Variants in NFIB observed in about 807,000 individuals in gnomAD.
NFIB encodes the protein nuclear factor I B, also known as nuclear factor 1 B-type.
NFIB carries 11 observed loss-of-function variants against 61.5 expected under a neutral mutation model. The ratio of observed to expected loss-of-function variants is 0.18; its 90% CI spans 0.11 to 0.30. NFIB has a LOEUF of 0.30. NFIB is among the 10% of genes least tolerant of loss of function. NFIB has a pLI of 1.00. For synonymous variants in NFIB, 260 were observed against 216.5 expected, an observed-to-expected ratio of 1.20 and a Z score of -1.76; for missense variants, 471 against 608.9, an observed-to-expected ratio of 0.77 and a Z score of 2.38.
At chr9:14,342,263 T>C (rs184176189) in intron 1 of NFIB, among the ~76,000 whole-genome samples, 4 of 152,290 alleles carry the variant, frequency 2.6e-5, no homozygotes, top group Admixed American at 2.6e-4. Context: ...TCAGGCAGCA[T>C]TTGGCTTAGA....
chr9:14,325,295 C>G (rs2060740015), intron 1 of NFIB, among the ~76,000 whole-genome samples: 1 of 152,036 alleles, frequency 6.6e-6, no homozygotes, highest in Non-Finnish European at 1.5e-5. Flanking sequence ...TTTTTTCTGC[C>G]TTAAGTTGCA....
chr9:14,463,452 C>T, the NFIB span, among the ~76,000 whole-genome samples: 112,430 of 151,372 alleles, frequency 0.74, 41,981 homozygotes, highest in East Asian at 0.88. Context: ...ATATATTTAA[C>T]AAATATCCTA....
In NFIB at chr9:14,123,565, C is replaced by T. The variant is rs140353001; in HGVS notation, c.1060+2067G>A. Among the ~76,000 whole-genome samples the T allele has an allele frequency of 2.2e-3, 329 of 152,334 alleles. 3 individuals carry two copies. Among genetic ancestry groups the T allele is most frequent in the African/African-American group, 7.5e-3 (313 of 41,582 alleles). On this transcript the variant is annotated intron_variant, in intron 7 of 10. Transcript: ENST00000380953. ...ACACACAACCTCAGGTACTCTGAGA[C>T]CGAGTCCTGGATCACTTCTTTGGCT... is the stretch of plus-strand genomic sequence containing the variant.
chr9:14,085,444 G>A lies in NFIB; in HGVS notation c.*2865C>T, dbSNP rs1195461297. The A allele has an allele frequency of 2.3e-5, 5 of 221,314 alleles. No individual in the cohort carries two copies. The highest frequency in any genetic ancestry group is 6.6e-5 in the East Asian group (1 of 15,064). 13.7% of individuals were successfully genotyped at this position (221,314 alleles called of 1,614,324 possible). On this transcript the variant is annotated 3_prime_UTR_variant, in exon 11 of 11. Transcript: ENST00000380953. ...TCAGCCTCTAGCCCTCAGGGGAAAC[G>A]AAATCAAATATATAGTTAAGGTACC...
chr9:14,294,486 T>A (rs2059296064), intron 2 of NFIB, among the ~76,000 whole-genome samples: 1 of 152,248 alleles, frequency 6.6e-6, no homozygotes, highest in Non-Finnish European at 1.5e-5. Flanking sequence ...AATCCCAGTT[T>A]ACATATGTTT....
At chr9:14,251,754 C>T (rs149126110) in intron 2 of NFIB, among the ~76,000 whole-genome samples, 9 of 152,308 alleles carry the variant, frequency 5.9e-5, no homozygotes, top group African/African-American at 1.9e-4. Flanking sequence ...TCCTGCACAC[C>T]GCAGTCTGCT....
chr9:14,271,843 T>G (rs2132333419), intron 2 of NFIB, among the ~76,000 whole-genome samples: 1 of 152,326 alleles, frequency 6.6e-6, no homozygotes, highest in Middle Eastern at 3.4e-3. Context: ...CGTGACCCTG[T>G]GTCATCTGGT....
At chr9:14,189,895 C>A (rs1242171893) in intron 2 of NFIB, among the ~76,000 whole-genome samples, 1 of 151,770 alleles carries the variant, frequency 6.6e-6, no homozygotes, top group Admixed American at 6.6e-5. Context: ...TAATACCAAT[C>A]ATAACTTTCA....
At chr9:14,219,691 G>A (rs2051405067) in intron 2 of NFIB, among the ~76,000 whole-genome samples, 1 of 152,100 alleles carries the variant, frequency 6.6e-6, no homozygotes, top group Non-Finnish European at 1.5e-5. Context: ...AAATGTAACT[G>A]TCTACAAACA....
At chr9:14,329,302 T>C (rs890266681) in intron 1 of NFIB, among the ~76,000 whole-genome samples, 5 of 152,104 alleles carry the variant, frequency 3.3e-5, no homozygotes, top group African/African-American at 9.7e-5. Context: ...TTTCAGAGCA[T>C]GTGGGGAAGG....
In NFIB at chr9:14,082,141, A is replaced by C. The variant is rs1201265542; in HGVS notation, c.*6168T>G. 3 of 207,788 alleles carry C rather than the reference A, an allele frequency of 1.4e-5. No individual in the cohort carries two copies. The highest frequency in any genetic ancestry group is 2.0e-5 in the Non-Finnish European group (2 of 101,682). 12.9% of individuals were successfully genotyped at this position (207,788 alleles called of 1,614,324 possible). On this transcript the variant is annotated 3_prime_UTR_variant, in exon 11 of 11. Transcript: ENST00000380953. ...CCCAGAGGCCTGAACTCTAGAAATTAAGTAACTGTCGTATAATACATCCTA... is the reference window on the plus strand; with the variant it reads ...CCCAGAGGCCTGAACTCTAGAAATTCAGTAACTGTCGTATAATACATCCTA...
chr9:14,367,803 C>G (rs1424064121), intron 1 of NFIB, among the ~76,000 whole-genome samples: 1 of 152,192 alleles, frequency 6.6e-6, no homozygotes, highest in African/African-American at 2.4e-5. Flanking sequence ...ACCGCACGTT[C>G]TCACTCATAA....
At chr9:14,125,542 G>T in intron 7 of NFIB, 90 bp downstream of exon 7, 1 of 1,518,970 alleles carries the variant, frequency 6.6e-7, no homozygotes, top group Non-Finnish European at 8.9e-7. Context: ...GGTTGCCATA[G>T]CTCTATTTAT....
intron 2 of NFIB, among the ~76,000 whole-genome samples, chr9:14,197,905 C>T (rs556199565): frequency 2.8e-4 from 42 of 152,190 alleles, no homozygotes; most frequent in African/African-American, 9.6e-4. Flanking sequence ...CAGCATATCT[C>T]GAGGTACAAA....
chr9:14,342,679 G>A (rs2132878413), intron 1 of NFIB, among the ~76,000 whole-genome samples: 1 of 152,248 alleles, frequency 6.6e-6, no homozygotes, highest in South Asian at 2.1e-4. Context: ...TAGCTAATAA[G>A]TGGCCAATTA....
intron 3 of NFIB, among the ~76,000 whole-genome samples, chr9:14,178,206 A>C (rs1376030345): frequency 6.6e-6 from 1 of 152,292 alleles, no homozygotes; most frequent in East Asian, 1.9e-4. Flanking sequence ...TCTATCATGC[A>C]ACACAGGGAA....
intron 10 of NFIB, among the ~76,000 whole-genome samples, chr9:14,097,628 A>G (rs954866487): frequency 1.3e-5 from 2 of 152,054 alleles, no homozygotes; most frequent in Admixed American, 6.6e-5. Flanking sequence ...CACACTACAT[A>G]CACACACACA....
intron 2 of NFIB, among the ~76,000 whole-genome samples, chr9:14,279,217 A>G (rs1363009572): frequency 6.6e-6 from 1 of 152,166 alleles, no homozygotes; most frequent in Non-Finnish European, 1.5e-5. Flanking sequence ...TGGTAATGGA[A>G]CCAAAAATGG....
chr9:14,431,847 G>C, the NFIB span, among the ~76,000 whole-genome samples: 3 of 152,220 alleles, frequency 2.0e-5, no homozygotes, highest in Non-Finnish European at 4.4e-5. Context: ...GCAGAAAGTT[G>C]AGTCCAGATT....
Sources: gnomAD v4.1 joint callset for allele counts (sites outside exome capture counted in the v4.1 genomes callset) on GRCh38, gnomAD v4.1.1 for gene constraint, MANE v1.5 for transcripts, NCBI Gene and HGNC (gene_info 2026-07-23, HGNC 2026-07-21) for gene names.